MYRIP: variants seen among roughly 807,000 people sequenced by gnomAD.
MYRIP encodes the protein myosin VIIA and Rab interacting protein.
A neutral mutation model predicts 98.0 loss-of-function variants in MYRIP; 49 were observed. That is an observed-to-expected ratio of 0.50 (90% CI 0.40 to 0.63). The LOEUF is 0.63. Among genes scored for constraint, MYRIP ranks in the 30% least tolerant of loss-of-function variants. The pLI, the probability that MYRIP is intolerant of heterozygous loss-of-function variation, is 0.00. For synonymous variants in MYRIP, 404 were observed against 409.5 expected (o/e 0.99, Z 0.16); for missense variants, 1,004 against 1,058.2 (o/e 0.95, Z 0.71).
chr3:39,989,402 G>T (rs1415188905), intron 2 of MYRIP, among the ~76,000 whole-genome samples: 1 of 152,176 alleles, frequency 6.6e-6, no homozygotes, highest in Non-Finnish European at 1.5e-5. Flanking sequence ...ATGGGTGCCT[G>T]CTCCTTCCTC....
chr3:40,035,272 A>C (rs1017439595), intron 2 of MYRIP, among the ~76,000 whole-genome samples: 1 of 151,942 alleles, frequency 6.6e-6, no homozygotes, highest in Non-Finnish European at 1.5e-5. Context: ...AAAACCGCAA[A>C]ACCCCAAGCC....
intron 3 of MYRIP, among the ~76,000 whole-genome samples, chr3:40,065,204 C>T (rs796880167): frequency 7.9e-5 from 12 of 152,292 alleles, no homozygotes; most frequent in African/African-American, 2.9e-4. Flanking sequence ...CCTCTGCCTT[C>T]GTTATCACAT....
chr3:39,920,273 A>G (rs1944277614), intron 2 of MYRIP, among the ~76,000 whole-genome samples: 1 of 152,122 alleles, frequency 6.6e-6, no homozygotes, highest in African/African-American at 2.4e-5. Context: ...TCTGTTTAGT[A>G]AACTCAAATG....
At chr3:40,033,763 A>T (rs1947313754) in intron 2 of MYRIP, among the ~76,000 whole-genome samples, 1 of 152,188 alleles carries the variant, frequency 6.6e-6, no homozygotes, top group Non-Finnish European at 1.5e-5. Context: ...GGCATTGCCA[A>T]GTCAATCCTA....
intron 7 of MYRIP, among the ~76,000 whole-genome samples, chr3:40,167,931 A>G (rs902761774): frequency 6.6e-6 from 1 of 152,100 alleles, no homozygotes; most frequent in Admixed American, 6.6e-5. Flanking sequence ...CACTCCCCCA[A>G]CACATCGATG....
intron 3 of MYRIP, among the ~76,000 whole-genome samples, chr3:40,106,501 C>T (rs1476622936): frequency 1.3e-5 from 2 of 151,980 alleles, no homozygotes; most frequent in Non-Finnish European, 2.9e-5. Flanking sequence ...TATAAATCTT[C>T]CTTGCTTATT....
chr3:40,055,615 C>G (rs767795339), intron 3 of MYRIP, among the ~76,000 whole-genome samples: 13 of 152,216 alleles, frequency 8.5e-5, no homozygotes, highest in Non-Finnish European at 1.8e-4. Flanking sequence ...TGCTTCTCAT[C>G]ACTCAGCCAT....
At chr3:39,925,117 C>A (rs1944391708) in intron 2 of MYRIP, among the ~76,000 whole-genome samples, 1 of 151,172 alleles carries the variant, frequency 6.6e-6, no homozygotes, top group African/African-American at 2.4e-5. Context: ...GAACTGAGAT[C>A]ATTTAGGTTG....
At chr3:40,106,287 C>T (rs564556306) in intron 3 of MYRIP, among the ~76,000 whole-genome samples, 5 of 151,854 alleles carry the variant, frequency 3.3e-5, no homozygotes, top group East Asian at 3.9e-4. Flanking sequence ...AACTCAACAG[C>T]GTAATTAGAT....
intron 12 of MYRIP, among the ~76,000 whole-genome samples, chr3:40,237,582 C>G (rs956387058): frequency 2.0e-5 from 3 of 152,214 alleles, no homozygotes; most frequent in Non-Finnish European, 4.4e-5. Context: ...CAGAGCCTGA[C>G]ACAGAGGAAG....
chr3:39,850,341 T>C (rs1942094909), intron 1 of MYRIP, among the ~76,000 whole-genome samples: 1 of 152,240 alleles, frequency 6.6e-6, no homozygotes, highest in South Asian at 2.1e-4. Flanking sequence ...GCTTTCCAGC[T>C]GTCCTGAGCT....
chr3:40,170,636 GT>G (rs1165072744), intron 8 of MYRIP, among the ~76,000 whole-genome samples: 1 of 152,224 alleles, frequency 6.6e-6, no homozygotes, highest in Non-Finnish European at 1.5e-5. Context: ...CTGCAGTAGA[GT>G]TGCTGAGTCT....
intron 1 of MYRIP, among the ~76,000 whole-genome samples, chr3:39,874,358 C>A (rs1942908621): frequency 6.6e-6 from 1 of 151,616 alleles, no homozygotes; most frequent in South Asian, 2.1e-4. Context: ...ATTGCCTGGG[C>A]CAGAACTTCC....
intron 2 of MYRIP, among the ~76,000 whole-genome samples, chr3:40,016,566 G>C (rs1420299006): frequency 1.3e-5 from 2 of 152,142 alleles, no homozygotes; most frequent in Non-Finnish European, 2.9e-5. Flanking sequence ...GCCGACTGCA[G>C]ACCAGACCAC....
intron 11 of MYRIP, among the ~76,000 whole-genome samples, chr3:40,218,622 A>ATTT (rs1553629232): frequency 2.2e-3 from 28 of 12,752 alleles, no homozygotes; most frequent in African/African-American, 3.5e-3. Flanking sequence ...TTATATATAT[A>ATTT]TATATATATA....
At chr3:40,008,793 C>T (rs146673069) in intron 2 of MYRIP, among the ~76,000 whole-genome samples, 98 of 152,298 alleles carry the variant, frequency 6.4e-4, no homozygotes, top group African/African-American at 2.2e-3. Flanking sequence ...TGAAAGAACA[C>T]GAAGTCAAAA....
At chr3:39,936,975 T>C (rs1944667674) in intron 2 of MYRIP, among the ~76,000 whole-genome samples, 1 of 152,166 alleles carries the variant, frequency 6.6e-6, no homozygotes, top group Admixed American at 6.6e-5. Context: ...ATTATTTCCA[T>C]TGAAACAAAG....
At chr3:40,026,079 G>T (rs558149895) in intron 2 of MYRIP, among the ~76,000 whole-genome samples, 1 of 152,050 alleles carries the variant, frequency 6.6e-6, no homozygotes, top group Non-Finnish European at 1.5e-5. Context: ...AGACCAGAGC[G>T]TATTTCAGTC....
chr3:39,940,161 G>T (rs1350685687), intron 2 of MYRIP, among the ~76,000 whole-genome samples: 1 of 151,934 alleles, frequency 6.6e-6, no homozygotes, highest in African/African-American at 2.4e-5. Context: ...ACATAAATCT[G>T]CATGGAAATA....
Sources: gnomAD v4.1 joint callset for allele counts (sites outside exome capture counted in the v4.1 genomes callset) on GRCh38, gnomAD v4.1.1 for gene constraint, MANE v1.5 for transcripts, NCBI Gene and HGNC (gene_info 2026-07-23, HGNC 2026-07-21) for gene names.